TIAM1: variants seen among roughly 807,000 people sequenced by gnomAD.
TIAM1 encodes TIAM Rac1 associated GEF 1, also known as rho guanine nucleotide exchange factor TIAM1.
TIAM1 carries 65 observed loss-of-function variants against 163.5 expected under a neutral mutation model. That is an observed-to-expected ratio of 0.40 (90% CI 0.33 to 0.49). The LOEUF (loss-of-function observed/expected upper bound fraction) is 0.49, where lower values mean the gene tolerates loss of function less well. TIAM1 is among the 20% of genes least tolerant of loss of function. The pLI, the probability that TIAM1 is intolerant of heterozygous loss-of-function variation, is 0.77. For synonymous variants in TIAM1, 833 were observed against 810.1 expected (o/e 1.03, Z -0.48); for missense variants, 1,789 against 2,044.7 (o/e 0.87, Z 2.41).
intron 6 of TIAM1, among the ~76,000 whole-genome samples, chr21:31,244,665 C>T (rs2071398246): frequency 1.3e-5 from 2 of 152,160 alleles, no homozygotes; most frequent in Non-Finnish European, 2.9e-5. Context: ...GCAGAGATTG[C>T]AGGGAGCTGA....
intron 2 of TIAM1, among the ~76,000 whole-genome samples, chr21:31,330,371 T>A (rs944317424): frequency 6.6e-6 from 1 of 152,238 alleles, no homozygotes; most frequent in Non-Finnish European, 1.5e-5. Flanking sequence ...CCAATAAACC[T>A]GCCATAAACA....
intron 2 of TIAM1, among the ~76,000 whole-genome samples, chr21:31,443,274 A>C (rs985602393): frequency 6.6e-6 from 1 of 152,136 alleles, no homozygotes; most frequent in Non-Finnish European, 1.5e-5. Context: ...AGAAATAATG[A>C]ACAGACATAT....
intron 1 of TIAM1, among the ~76,000 whole-genome samples, chr21:31,482,047 G>A (rs922850001): frequency 6.8e-6 from 1 of 146,318 alleles, no homozygotes; most frequent in African/African-American, 2.6e-5. Context: ...CTGTGTGCCA[G>A]GAACTGGGAC....
intron 12 of TIAM1, among the ~76,000 whole-genome samples, chr21:31,197,280 G>T (rs370765859): frequency 1.3e-5 from 2 of 152,098 alleles, no homozygotes; most frequent in African/African-American, 2.4e-5. Context: ...AACAAAAAAG[G>T]CTGGAAAAAG....
intron 1 of TIAM1, among the ~76,000 whole-genome samples, chr21:31,473,970 C>G (rs9808665): frequency 0.23 from 34,993 of 152,064 alleles, 4,228 homozygotes; most frequent in African/African-American, 0.26. Flanking sequence ...AGAAGCATGG[C>G]ACCAGCATCT....
At chr21:31,499,037 G>C (rs553410626) in intron 1 of TIAM1, among the ~76,000 whole-genome samples, 1 of 152,234 alleles carries the variant, frequency 6.6e-6, no homozygotes, top group African/African-American at 2.4e-5. Context: ...GGAAAGAAAA[G>C]AGGGTCCTTT....
At chr21:31,376,582 C>G (rs2300360) in intron 2 of TIAM1, among the ~76,000 whole-genome samples, 1 of 152,026 alleles carries the variant, frequency 6.6e-6, no homozygotes, top group South Asian at 2.1e-4. Context: ...CCCAAACACA[C>G]GCACAGCAGA....
rs1448759916 is a variant in TIAM1, at chr21:31,119,420, T to C, written c.*948A>G. On this transcript the variant is annotated 3_prime_UTR_variant, in exon 28 of 28. Transcript: ENST00000541036. ...CAGACACACACACCGCCCACCGGGG[T>C]GTCATGTTTAATCCAACCAAACTCC... 1.3e-5 allele frequency: 2 copies of C among 151,872 alleles called. No homozygotes were observed. Among genetic ancestry groups the C allele is most frequent in the Admixed American group, 1.3e-4 (2 of 15,206 alleles). 9.4% of individuals were successfully genotyped at this position (151,872 alleles called of 1,614,324 possible).
intron 2 of TIAM1, among the ~76,000 whole-genome samples, chr21:31,377,613 CTTTT>C (rs1569278754): frequency 6.6e-6 from 1 of 152,140 alleles, no homozygotes; most frequent in Non-Finnish European, 1.5e-5. Context: ...ACAATTTATT[CTTTT>C]TGTCTCATTG....
intron 15 of TIAM1, among the ~76,000 whole-genome samples, chr21:31,170,483 T>C (rs1393149310): frequency 6.6e-6 from 1 of 152,154 alleles, no homozygotes; most frequent in African/African-American, 2.4e-5. Context: ...TGGAACTAAA[T>C]ATTTTATGAA....
intron 2 of TIAM1, among the ~76,000 whole-genome samples, chr21:31,388,026 A>G (rs1026097248): frequency 2.1e-4 from 32 of 152,196 alleles, no homozygotes; most frequent in Admixed American, 1.8e-3. Context: ...GGCTTTCACC[A>G]TGTGACATGC....
chr21:31,418,517 C>T (rs2043454272), intron 2 of TIAM1, among the ~76,000 whole-genome samples: 1 of 152,000 alleles, frequency 6.6e-6, no homozygotes, highest in South Asian at 2.1e-4. Flanking sequence ...CCAAGGGTGT[C>T]CACTCTCCCC....
At chr21:31,334,241 A>T (rs907777004) in intron 2 of TIAM1, among the ~76,000 whole-genome samples, 2 of 151,156 alleles carry the variant, frequency 1.3e-5, no homozygotes, top group Non-Finnish European at 2.9e-5. Flanking sequence ...TGCTGCCTCC[A>T]GCCCTCCCCA....
At chr21:31,215,558 T>C in intron 9 of TIAM1, among the ~76,000 whole-genome samples, 1 of 116,432 alleles carries the variant, frequency 8.6e-6, no homozygotes, top group East Asian at 2.5e-4. Context: ...TGAGACTCTG[T>C]CTCAAAAAAG....
chr21:31,211,551 C>A (rs1319230159), intron 10 of TIAM1, among the ~76,000 whole-genome samples: 1 of 152,106 alleles, frequency 6.6e-6, no homozygotes, highest in African/African-American at 2.4e-5. Context: ...AATATAACCT[C>A]CATTCAAAAG....
chr21:31,119,099 C>T lies in TIAM1; in HGVS notation c.*1269G>A, dbSNP rs1307436266. On this transcript the variant is annotated 3_prime_UTR_variant, in exon 28 of 28. Coordinates refer to ENST00000541036, the MANE Select transcript of TIAM1 (RefSeq NM_001353694.2). Reference sequence around the variant, plus strand: ...ACATGGGAAAAGAAAAAGCTATAAACCTTTTTTTAAAAAAAAAAAAAAAAT... The same window carrying T: ...ACATGGGAAAAGAAAAAGCTATAAATCTTTTTTTAAAAAAAAAAAAAAAAT... 1.5e-5 allele frequency: 2 copies of T among 134,236 alleles called. No individual in the cohort carries two copies. The highest frequency in any genetic ancestry group is 2.1e-4 in the South Asian group (1 of 4,662). The allele number at this position is 134,236 out of a possible 1,614,324, so 8.3% of individuals were successfully genotyped here.
chr21:31,558,735 A>G (rs2048982613), intron 1 of TIAM1, among the ~76,000 whole-genome samples: 1 of 151,944 alleles, frequency 6.6e-6, no homozygotes, highest in African/African-American at 2.4e-5. Context: ...CCACCTCCCA[A>G]GTGTGTGAAC....
chr21:31,261,225 A>G (rs1418762505), intron 4 of TIAM1, among the ~76,000 whole-genome samples: 1 of 151,724 alleles, frequency 6.6e-6, no homozygotes, highest in Non-Finnish European at 1.5e-5. Flanking sequence ...TTTAGGTGAC[A>G]AAAGTGGGCA....
intron 27 of TIAM1, among the ~76,000 whole-genome samples, chr21:31,123,702 A>G (rs1226095545): frequency 6.6e-6 from 1 of 152,170 alleles, no homozygotes; most frequent in African/African-American, 2.4e-5. Flanking sequence ...CCTTCTTTTA[A>G]TGAAATCCTC....
Sources: allele counts gnomAD v4.1 joint callset (sites outside exome capture counted in the v4.1 genomes callset), GRCh38; gene constraint gnomAD v4.1.1; transcripts MANE v1.5; gene names NCBI Gene and HGNC (gene_info 2026-07-23, HGNC 2026-07-21).